FAM83F: variants seen among roughly 807,000 people sequenced by gnomAD.
FAM83F encodes the protein scaffolding CK1 anchoring protein F.
A neutral mutation model predicts 42.9 loss-of-function variants in FAM83F; 45 were observed. That is an observed-to-expected ratio of 1.05 (90% CI 0.83 to 1.35). FAM83F has a LOEUF of 1.35. Ranked by LOEUF, FAM83F falls within the 40% of genes most tolerant of loss-of-function variation. The pLI, the probability that FAM83F is intolerant of heterozygous loss-of-function variation, is 0.00. For missense variants in FAM83F, 617 were observed against 695.9 expected, an observed-to-expected ratio of 0.89 and a Z score of 1.28; for synonymous variants, 306 against 298.3, an observed-to-expected ratio of 1.03 and a Z score of -0.27.
rs1318027026 is a variant in FAM83F, at chr22:40,039,507, TTAGA to T, written c.*9946_*9949del. ...ATTTTAGAAACGAGGAAACTGAAGC[TTAGA>T]TAGTTTGTGTGACTTGCAAAAAGTC... On this transcript the variant is annotated 3_prime_UTR_variant, in exon 5 of 5. Coordinates refer to ENST00000333407, the MANE Select transcript of FAM83F (RefSeq NM_138435.4). 1 of 152,194 alleles carries T rather than the reference TTAGA, an allele frequency of 6.6e-6. No individual in the cohort carries two copies. The highest frequency in any genetic ancestry group is 1.5e-5 in the Non-Finnish European group (1 of 68,040). 9.4% of individuals were successfully genotyped at this position (152,194 alleles called of 1,614,324 possible).
intron 4 of FAM83F, among the ~76,000 whole-genome samples, chr22:40,027,439 C>T (rs372501252): frequency 3.3e-5 from 5 of 152,184 alleles, no homozygotes; most frequent in Admixed American, 6.5e-5. Flanking sequence ...GGCTCCGCTC[C>T]GCTGAGCGGC....
chr22:40,018,887 C>T (rs1038981140), intron 1 of FAM83F, among the ~76,000 whole-genome samples: 1 of 152,164 alleles, frequency 6.6e-6, no homozygotes, highest in African/African-American at 2.4e-5. Context: ...CCTTGCCTGG[C>T]CCTGATACAG....
At chr22:40,025,751 T>C (rs1459245850) in intron 4 of FAM83F, among the ~76,000 whole-genome samples, 1 of 152,058 alleles carries the variant, frequency 6.6e-6, no homozygotes, top group Non-Finnish European at 1.5e-5. Context: ...ATCCAACAAA[T>C]AGAGTCTGTA....
chr22:40,023,806 G>C lies in FAM83F; in HGVS notation c.1453+1843G>C, dbSNP rs917899167. ...GAGAGAGAGGGAATAGTGAGGGCGA[G>C]GGCACGGACAGCCAGGAAGGTCCGG... On this transcript the variant is annotated intron_variant, in intron 4 of 4. Coordinates refer to ENST00000333407, the MANE Select transcript of FAM83F (RefSeq NM_138435.4). This position sits in a 1 kb window ranked among gnomAD's most constrained non-coding sequence, Gnocchi z 4.1. Among the ~76,000 whole-genome samples, 1 of 152,160 alleles carries C rather than the reference G, an allele frequency of 6.6e-6. No homozygotes were observed. The highest frequency in any genetic ancestry group is 2.4e-5 in the African/African-American group (1 of 41,432).
rs2146246582 is a variant in FAM83F, at chr22:40,029,626, A to T, written c.*61A>T. 1 of 1,584,156 alleles carries T rather than the reference A, an allele frequency of 6.3e-7. No individual in the cohort carries two copies. Among genetic ancestry groups the T allele is most frequent in the East Asian group, 2.3e-5 (1 of 43,206 alleles). On this transcript the variant is annotated 3_prime_UTR_variant, in exon 5 of 5. Coordinates refer to ENST00000333407, the MANE Select transcript of FAM83F (RefSeq NM_138435.4). ...CTGCCTGCCCTGCCCTGTGCTGTGGAGAGCGCAGGTCGCACACTGCACCAG... is the reference window on the plus strand; with the variant it reads ...CTGCCTGCCCTGCCCTGTGCTGTGGTGAGCGCAGGTCGCACACTGCACCAG...
In FAM83F at chr22:39,995,091, A is replaced by T. The variant is rs2067366234; in HGVS notation, c.49A>T (p.Lys17Ter). Residue 17 changes from lysine (K) to a stop codon, truncating the protein, a stop_gained, in exon 1 of 5, where the codon AAG becomes TAG. Coordinates refer to ENST00000333407, the MANE Select transcript of FAM83F (RefSeq NM_138435.4). LOFTEE classifies it high-confidence loss of function. The surrounding 1 kb of genome is among the most constrained non-coding windows in gnomAD (Gnocchi z 4.6). Reference sequence around the variant, plus strand: ...CCTGGACGAGGCGCACGTGAACGAGAAGGTGACCGAGGCGCAGGCCGCCTT... The same window carrying T: ...CCTGGACGAGGCGCACGTGAACGAGTAGGTGACCGAGGCGCAGGCCGCCTT... ...NCLDEAHVNE[K>*]VTEAQAAFYY... The T allele has an allele frequency of 7.4e-7, 1 of 1,353,826 alleles. No homozygotes were observed. Among genetic ancestry groups the T allele is most frequent in the East Asian group, 3.0e-5 (1 of 33,000 alleles). 83.9% of individuals were successfully genotyped at this position (1,353,826 alleles called of 1,614,324 possible). A position where few individuals can be genotyped will look rare whatever the true frequency, so the allele number is the denominator to read the frequency against.
At chr22:40,020,523 C>A (rs1312150932) in intron 3 of FAM83F, among the ~76,000 whole-genome samples, 1 of 151,806 alleles carries the variant, frequency 6.6e-6, no homozygotes, top group Non-Finnish European at 1.5e-5. Flanking sequence ...CCACCATGCT[C>A]AGCTAATTTT....
chr22:40,011,180 A>T (rs997413866), intron 1 of FAM83F, among the ~76,000 whole-genome samples: 1 of 151,974 alleles, frequency 6.6e-6, no homozygotes, highest in Non-Finnish European at 1.5e-5. Flanking sequence ...TATGTTATGC[A>T]GTGTGCTTTT....
At position 40,032,985 on chromosome 22, in the gene FAM83F, C is replaced by T. The variant is rs2146249202; in HGVS notation, c.*3420C>T. 1 of 152,256 alleles carries T rather than the reference C, an allele frequency of 6.6e-6. No homozygotes were observed. Among genetic ancestry groups the T allele is most frequent in the South Asian group, 2.1e-4 (1 of 4,834 alleles). The allele number at this position is 152,256 out of a possible 1,614,324, so 9.4% of individuals were successfully genotyped here. ...GCTTTAGTAACATGAAGGTTTCAAACTAAGAAAAGCTCAACAAAGAGCCCT... is the reference window on the plus strand; with the variant it reads ...GCTTTAGTAACATGAAGGTTTCAAATTAAGAAAAGCTCAACAAAGAGCCCT... On this transcript the variant is annotated 3_prime_UTR_variant, in exon 5 of 5. Coordinates refer to ENST00000333407, the MANE Select transcript of FAM83F (RefSeq NM_138435.4).
intron 1 of FAM83F, among the ~76,000 whole-genome samples, chr22:40,008,005 G>T (rs1038388739): frequency 6.6e-6 from 1 of 152,200 alleles, no homozygotes; most frequent in African/African-American, 2.4e-5. Context: ...CTTTACTCTG[G>T]CAGCGGTTTT....
At chr22:39,996,740 G>GTTGGCT (rs2067375061) in intron 1 of FAM83F, among the ~76,000 whole-genome samples, 1 of 152,206 alleles carries the variant, frequency 6.6e-6, no homozygotes, top group Non-Finnish European at 1.5e-5. Flanking sequence ...GGGTGATCTA[G>GTTGGCT]ATAGTTGGCT....
rs370744971 is a variant in FAM83F, at chr22:40,017,254, G to C, written c.490-1914G>C. Among the ~76,000 whole-genome samples, 387 of 141,050 alleles carry C rather than the reference G, an allele frequency of 2.7e-3. 3 individuals are homozygous for C. Among genetic ancestry groups the C allele is most frequent in the African/African-American group, 1.0e-2 (369 of 36,978 alleles). 92.5% of individuals were successfully genotyped at this position (141,050 alleles called of 152,430 possible). A position where few individuals can be genotyped will look rare whatever the true frequency, so the allele number is the denominator to read the frequency against. On this transcript the variant is annotated intron_variant, in intron 1 of 4. Coordinates refer to ENST00000333407, the MANE Select transcript of FAM83F (RefSeq NM_138435.4). ...TTTTTTTTTTTTTTTTTGAGACGGAGTCTCGCTCTTGTCACCCAGGCTGGA... is the reference window on the plus strand; with the variant it reads ...TTTTTTTTTTTTTTTTTGAGACGGACTCTCGCTCTTGTCACCCAGGCTGGA...
At chr22:40,027,093 G>A (rs2067557605) in intron 4 of FAM83F, among the ~76,000 whole-genome samples, 1 of 152,024 alleles carries the variant, frequency 6.6e-6, no homozygotes, top group Admixed American at 6.6e-5. Flanking sequence ...TGCTTTTATG[G>A]AGCATGTTAC....
rs752511860 is a variant in FAM83F, at chr22:40,021,304, C to G, written c.794C>G (p.Ser265Cys). 7.8e-6 allele frequency: 12 copies of G among 1,545,588 alleles called. No individual in the cohort carries two copies. In the African/African-American group the frequency reaches 1.2e-4, roughly 16 times the overall value. Residue 265 changes from serine to cysteine, a missense_variant, in exon 4 of 5, where the codon TCC becomes TGC. Ser to Cys is a moderately radical substitution (Grantham distance 112). Transcript: ENST00000333407. This position sits in a 1 kb window ranked among gnomAD's most constrained non-coding sequence, Gnocchi z 8.7. ...ATGSYRFTWS[S>C]SHVDRNLLLL... is the part of the protein sequence containing the mutation. ...CACGTTCCCAGGTTCACCTGGAGTT[C>G]CTCCCATGTGGACAGAAACCTCCTC... is the stretch of plus-strand genomic sequence containing the variant.
At chr22:40,002,056 G>T (rs563515177) in intron 1 of FAM83F, among the ~76,000 whole-genome samples, 1 of 152,236 alleles carries the variant, frequency 6.6e-6, no homozygotes, top group Non-Finnish European at 1.5e-5. Context: ...CCTTCGGGAG[G>T]CTGTGGCGTT....
rs1024444627 is a variant in FAM83F at position 39,995,636 on chromosome 22, C to T, written c.489+105C>T. On this transcript the variant is annotated intron_variant, in intron 1 of 4. Coordinates refer to ENST00000333407, the MANE Select transcript of FAM83F (RefSeq NM_138435.4). The surrounding 1 kb of genome is among the most constrained non-coding windows in gnomAD (Gnocchi z 4.6). ...CCCGGGGCAGGCCGCCCTGAGCACC[C>T]TCTGGAAAATGGGCCCCAACCCGCC... The T allele has an allele frequency of 6.3e-6, 9 of 1,431,388 alleles. No homozygotes were observed. In the African/African-American group the frequency reaches 1.1e-4, roughly 18 times the overall value. The allele number at this position is 1,431,388 out of a possible 1,614,324, so 88.7% of individuals were successfully genotyped here.
chr22:40,016,215 T>G (rs1474170594), intron 1 of FAM83F, among the ~76,000 whole-genome samples: 1 of 152,172 alleles, frequency 6.6e-6, no homozygotes, highest in East Asian at 1.9e-4. Context: ...TATTTTTTTT[T>G]GAGATAGAGT....
At chr22:40,022,485 C>A (rs1348332308) in intron 4 of FAM83F, among the ~76,000 whole-genome samples, 1 of 152,174 alleles carries the variant, frequency 6.6e-6, no homozygotes, top group Non-Finnish European at 1.5e-5. Context: ...CTCCCCTGTA[C>A]CCTACTGGTG....
At chr22:39,999,284 A>G (rs146499614) in intron 1 of FAM83F, among the ~76,000 whole-genome samples, 1,640 of 152,318 alleles carry the variant, frequency 0.011, 36 homozygotes, top group African/African-American at 0.037. Flanking sequence ...GGAAGCTGAG[A>G]TGGCACGAAG....
Sources: gnomAD v4.1 joint callset for allele counts (sites outside exome capture counted in the v4.1 genomes callset) on GRCh38, gnomAD v4.1.1 for gene constraint, Gnocchi (gnomAD v3.1) non-coding constraint, MANE v1.5 for transcripts, NCBI Gene and HGNC (gene_info 2026-07-23, HGNC 2026-07-21) for gene names.